Variants in TLK1 observed in about 807,000 individuals in gnomAD.
TLK1 encodes the protein tousled like kinase 1.
Under a neutral mutation model 105.3 loss-of-function variants are expected in TLK1, and 24 were observed. The ratio of observed to expected loss-of-function variants is 0.23; its 90% CI spans 0.17 to 0.32. TLK1 has a LOEUF of 0.32. Among genes scored for constraint, TLK1 ranks in the 10% least tolerant of loss-of-function variants. The pLI is 1.00. For synonymous variants in TLK1, 321 were observed against 310.4 expected (o/e 1.03, Z -0.36); for missense variants, 558 against 910.5 (o/e 0.61, Z 4.98).
chr2:171,220,627 G>A (rs773645285), intron 1 of TLK1, among the ~76,000 whole-genome samples: 7 of 152,036 alleles, frequency 4.6e-5, no homozygotes, highest in South Asian at 4.1e-4. Context: ...ATCCTTGATC[G>A]TCAAGCAAGC....
At chr2:171,153,762 G>A (rs897312594) in intron 1 of TLK1, 1 of 151,978 alleles carries the variant, frequency 6.6e-6, no homozygotes, top group Non-Finnish European at 1.5e-5. Context: ...CTTCACTTCC[G>A]GGTATCACAC....
chr2:171,147,174 C>T (rs997806810), intron 1 of TLK1, among the ~76,000 whole-genome samples: 3 of 152,216 alleles, frequency 2.0e-5, no homozygotes, highest in African/African-American at 7.2e-5. Context: ...GGACTAACTT[C>T]ATCATATTTA....
chr2:171,038,769 T>C (rs1686502525), intron 11 of TLK1, among the ~76,000 whole-genome samples: 1 of 152,204 alleles, frequency 6.6e-6, no homozygotes, highest in Admixed American at 6.5e-5. Flanking sequence ...TTTTTTATAG[T>C]CAATATTTTT....
chr2:171,060,040 A>G (rs1687678012), intron 4 of TLK1: 1 of 1,606,824 alleles, frequency 6.2e-7, no homozygotes, highest in African/African-American at 1.3e-5. Context: ...AGTTTACTCC[A>G]AAGGAAGGGG....
chr2:171,110,964 ATAAAC>A (rs1359151838), intron 2 of TLK1, among the ~76,000 whole-genome samples: 3 of 152,236 alleles, frequency 2.0e-5, no homozygotes, highest in Non-Finnish European at 4.4e-5. Context: ...ATACAAGTAA[ATAAAC>A]TAAACATTCA....
chr2:171,111,377 G>A (rs1241471259), intron 2 of TLK1, among the ~76,000 whole-genome samples: 1 of 152,096 alleles, frequency 6.6e-6, no homozygotes, highest in East Asian at 1.9e-4. Context: ...TTTGAGACCA[G>A]TCTGGGTACA....
intron 8 of TLK1, 70 bp from the exon 9 acceptor site, chr2:171,050,244 G>T: frequency 1.9e-6 from 2 of 1,063,506 alleles, no homozygotes; most frequent in Non-Finnish European, 1.3e-6. Flanking sequence ...TAGTTTTAAT[G>T]TTCTAAATAA....
chr2:171,170,364 CAAAA>C lies in TLK1; in HGVS notation c.-5-52511_-5-52508del, dbSNP rs1216893568. ...AAATGTCAATAGATACAACAATTCA[CAAAA>C]TTGAAAATAAATTAGCTAACTATGG... On this transcript the variant is annotated intron_variant, in intron 1 of 20. Transcript: ENST00000521943. 3.0e-4 allele frequency among the ~76,000 whole-genome samples: 45 copies of C among 152,174 alleles called. 1 individual carries two copies. The highest frequency in any genetic ancestry group is 1.0e-3 in the African/African-American group (43 of 41,440).
chr2:171,127,304 A>G (rs1241243572), intron 1 of TLK1, among the ~76,000 whole-genome samples: 1 of 151,690 alleles, frequency 6.6e-6, no homozygotes, highest in Non-Finnish European at 1.5e-5. Context: ...GAAAGAAAAA[A>G]TTCAAGAAGT....
chr2:171,071,539 T>G (rs1033640383), intron 3 of TLK1, among the ~76,000 whole-genome samples: 3 of 152,126 alleles, frequency 2.0e-5, no homozygotes, highest in African/African-American at 7.2e-5. Context: ...TGCCTGCCTC[T>G]GCCTCCCACA....
At chr2:171,130,478 G>A (rs1286514948) in intron 1 of TLK1, among the ~76,000 whole-genome samples, 1 of 152,196 alleles carries the variant, frequency 6.6e-6, no homozygotes, top group East Asian at 1.9e-4. Flanking sequence ...AATTCATAAG[G>A]TGAGTTAAAT....
chr2:171,204,943 A>G (rs1306122004), intron 1 of TLK1, among the ~76,000 whole-genome samples: 2 of 145,778 alleles, frequency 1.4e-5, no homozygotes. Flanking sequence ...ATAGAGTGAG[A>G]CTCCGTCTCA....
At chr2:171,162,415 G>A (rs1692527547), upstream of TLK1, among the ~76,000 whole-genome samples, 1 of 152,202 alleles carries the variant, frequency 6.6e-6, no homozygotes, top group African/African-American at 2.4e-5. Flanking sequence ...GCACGCGCCT[G>A]AAGTCCCAGC....
chr2:171,224,638 A>T (rs1374881588), intron 1 of TLK1, among the ~76,000 whole-genome samples: 41 of 152,220 alleles, frequency 2.7e-4, no homozygotes, highest in Admixed American at 2.7e-3. Context: ...AAGTTGATCT[A>T]CAGATTCAAC....
chr2:171,003,901 G>C (rs1684517930), intron 18 of TLK1, among the ~76,000 whole-genome samples: 1 of 152,186 alleles, frequency 6.6e-6, no homozygotes, highest in Non-Finnish European at 1.5e-5. Flanking sequence ...TGGTAAAACA[G>C]ACAAGTATCT....
At chr2:171,075,018 AG>A (rs745493350) in intron 3 of TLK1, among the ~76,000 whole-genome samples, 4 of 152,098 alleles carry the variant, frequency 2.6e-5, no homozygotes, top group Non-Finnish European at 5.9e-5. Context: ...ACTCAGAGTA[AG>A]GCATTAAAAA....
chr2:171,002,870 C>T (rs940673944), intron 18 of TLK1, among the ~76,000 whole-genome samples: 4 of 151,852 alleles, frequency 2.6e-5, no homozygotes, highest in Admixed American at 6.6e-5. Flanking sequence ...CTCTCAGGCT[C>T]AAGTGATCTG....
At chr2:171,159,977 G>C (rs576208355) in intron 1 of TLK1, 1 of 279,718 alleles carries the variant, frequency 3.6e-6, no homozygotes, top group African/African-American at 2.2e-5. Context: ...AGGGGCTCGC[G>C]TCTGGGGGGA....
rs377011003 is a variant in TLK1 at position 171,071,626 on chromosome 2, G to A, written c.331-10470C>T. 3.6e-4 allele frequency among the ~76,000 whole-genome samples: 54 copies of A among 151,582 alleles called. No individual in the cohort carries two copies. The East Asian group carries it at 6.1e-3, about 17-fold the overall frequency. On this transcript the variant is annotated intron_variant, in intron 3 of 20. Coordinates refer to ENST00000431350, the MANE Select transcript of TLK1 (RefSeq NM_012290.5). ...TTACCTTTGGTTGCCTGTGCTTGTC[G>A]GGTATTACTTAAGAAATCTTTGCCC...
Sources: allele counts gnomAD v4.1 joint callset (sites outside exome capture counted in the v4.1 genomes callset), GRCh38; gene constraint gnomAD v4.1.1; transcripts MANE v1.5; gene names NCBI Gene and HGNC (gene_info 2026-07-23, HGNC 2026-07-21).